SAMD3: variants seen among roughly 807,000 people sequenced by gnomAD.
SAMD3 encodes the protein sterile alpha motif domain containing 3, also known as sterile alpha motif domain-containing protein 3.
In SAMD3, 63 loss-of-function variants were observed where a neutral mutation model predicts 58.5. That is an observed-to-expected ratio of 1.08 (90% confidence interval 0.88 to 1.33). SAMD3 has a LOEUF of 1.33. SAMD3 is among the 40% of genes most tolerant of loss of function. The probability of loss-of-function intolerance (pLI) is 0.00; values close to 1 mark genes in which losing one functional copy is unlikely to be tolerated. For synonymous variants in SAMD3, 220 were observed against 210.3 expected (o/e 1.05, Z -0.40); for missense variants, 604 against 608.4 (o/e 0.99, Z 0.08).
chr6:130,248,812 G>T (rs1016394077), intron 2 of SAMD3, among the ~76,000 whole-genome samples: 8 of 152,192 alleles, frequency 5.3e-5, no homozygotes, highest in Middle Eastern at 6.8e-3. Context: ...TAAGCAGTTT[G>T]GCTAAGATGC....
intron 2 of SAMD3, among the ~76,000 whole-genome samples, chr6:130,229,699 C>G (rs1796487105): frequency 6.6e-6 from 1 of 152,112 alleles, no homozygotes; most frequent in Non-Finnish European, 1.5e-5. Flanking sequence ...CTGTGTTTTC[C>G]CCCATTAGAC....
At chr6:130,272,218 C>G (rs532973782) in intron 2 of SAMD3, among the ~76,000 whole-genome samples, 1 of 152,188 alleles carries the variant, frequency 6.6e-6, no homozygotes, top group Non-Finnish European at 1.5e-5. Flanking sequence ...GACCATTATC[C>G]CATCTCCATT....
chr6:130,208,548 C>T (rs777620016), intron 5 of SAMD3, among the ~76,000 whole-genome samples: 4 of 152,260 alleles, frequency 2.6e-5, no homozygotes, highest in Non-Finnish European at 5.9e-5. Context: ...ATTAGATTCT[C>T]ATAGGAGCAC....
intron 4 of SAMD3, among the ~76,000 whole-genome samples, chr6:130,212,856 C>T (rs962827031): frequency 1.3e-5 from 2 of 152,228 alleles, no homozygotes; most frequent in Non-Finnish European, 2.9e-5. Context: ...TTTGATCTCT[C>T]TTTCAGGTTC....
chr6:130,145,851 T>TG (rs1341540654), intron 10 of SAMD3, among the ~76,000 whole-genome samples, 159 bp downstream of exon 10: 1 of 151,828 alleles, frequency 6.6e-6, no homozygotes, highest in Non-Finnish European at 1.5e-5. Context: ...AAAATTATTA[T>TG]TAAATATATT....
At chr6:130,327,147 A>G (rs570877614) in intron 1 of SAMD3, among the ~76,000 whole-genome samples, 1 of 152,010 alleles carries the variant, frequency 6.6e-6, no homozygotes, top group Non-Finnish European at 1.5e-5. Flanking sequence ...TGAATTTGAA[A>G]CCCCGGGACA....
At chr6:130,222,614 A>C (rs188188238) in intron 1 of SAMD3, 80 bp downstream of exon 1, 1 of 152,314 alleles carries the variant, frequency 6.6e-6, no homozygotes, top group East Asian at 1.9e-4. Flanking sequence ...CCACTCTTAA[A>C]TTTTTCTCAA....
intron 5 of SAMD3, among the ~76,000 whole-genome samples, chr6:130,208,826 C>A (rs1226394682): frequency 6.6e-6 from 1 of 152,112 alleles, no homozygotes; most frequent in Non-Finnish European, 1.5e-5. Context: ...GACCCCTGTC[C>A]TTGGAAAAAT....
At chr6:130,204,130 G>A (rs983142009) in intron 5 of SAMD3, among the ~76,000 whole-genome samples, 4 of 152,000 alleles carry the variant, frequency 2.6e-5, no homozygotes, top group African/African-American at 9.7e-5. Context: ...ACCCAAAAGC[G>A]GAAGCAAAAC....
intron 2 of SAMD3, among the ~76,000 whole-genome samples, chr6:130,288,546 A>G (rs1274288794): frequency 6.6e-6 from 1 of 152,210 alleles, no homozygotes; most frequent in Non-Finnish European, 1.5e-5. Flanking sequence ...CATCAAATTA[A>G]TCATCACAAG....
chr6:130,365,239 T>C, exon 1 of SAMD3: 1 of 985,518 alleles, frequency 1.0e-6, no homozygotes, highest in African/African-American at 1.7e-5. Context: ...AGGAGTAACC[T>C]GAACCTCTCG....
intron 2 of SAMD3, among the ~76,000 whole-genome samples, chr6:130,312,635 T>C (rs1776215718): frequency 6.6e-6 from 1 of 152,226 alleles, no homozygotes; most frequent in African/African-American, 2.4e-5. Context: ...GTGCCTTGAC[T>C]TTTCTTCTTT....
intron 7 of SAMD3, among the ~76,000 whole-genome samples, chr6:130,181,237 G>A (rs535662965): frequency 3.2e-4 from 48 of 152,138 alleles, no homozygotes; most frequent in African/African-American, 1.1e-3. Flanking sequence ...ATGAGCCACC[G>A]TACCCGGCCC....
chr6:130,201,863 C>T (rs895935875), intron 5 of SAMD3, among the ~76,000 whole-genome samples: 1 of 152,212 alleles, frequency 6.6e-6, no homozygotes, highest in African/African-American at 2.4e-5. Flanking sequence ...GCCACGCTTA[C>T]TTCCCAGAAA....
intron 9 of SAMD3, among the ~76,000 whole-genome samples, chr6:130,149,405 G>A (rs571070341): frequency 1.0e-3 from 157 of 152,232 alleles, no homozygotes; most frequent in Admixed American, 4.3e-3. Flanking sequence ...AAAGAAAGAC[G>A]CATGCACACA....
chr6:130,197,468 C>T (rs1266355500), intron 5 of SAMD3, among the ~76,000 whole-genome samples: 1 of 152,214 alleles, frequency 6.6e-6, no homozygotes, highest in Non-Finnish European at 1.5e-5. Flanking sequence ...TAGGCACTCT[C>T]TAATCAGATG....
At chr6:130,288,869 A>T (rs1195814267) in intron 2 of SAMD3, among the ~76,000 whole-genome samples, 2 of 152,224 alleles carry the variant, frequency 1.3e-5, no homozygotes, top group African/African-American at 2.4e-5. Context: ...AAATGCTCAC[A>T]ACACAGCTAT....
intron 1 of SAMD3, among the ~76,000 whole-genome samples, chr6:130,344,155 A>T (rs548697783): frequency 1.2e-4 from 19 of 152,164 alleles, no homozygotes; most frequent in Non-Finnish European, 2.2e-4. Flanking sequence ...ACTGCAGAAA[A>T]TTTGGTAATA....
At chr6:130,262,414 A>T (rs1201584667) in intron 2 of SAMD3, among the ~76,000 whole-genome samples, 3 of 152,094 alleles carry the variant, frequency 2.0e-5, no homozygotes, top group African/African-American at 7.2e-5. Context: ...ACTAACTCAA[A>T]AATCTTAAAA....
Sources: allele counts gnomAD v4.1 joint callset (sites outside exome capture counted in the v4.1 genomes callset), GRCh38; gene constraint gnomAD v4.1.1; transcripts MANE v1.5; gene names NCBI Gene and HGNC (gene_info 2026-07-23, HGNC 2026-07-21).